The following PTPRD variants were observed in gnomAD, a reference collection of about 807,000 sequenced individuals.
PTPRD encodes protein tyrosine phosphatase receptor type D.
In PTPRD, 34 loss-of-function variants were observed where a neutral mutation model predicts 214.5. The ratio of observed to expected loss-of-function variants is 0.16; its 90% confidence interval spans 0.12 to 0.21. The LOEUF (loss-of-function observed/expected upper bound fraction) is 0.21. PTPRD is among the 10% of genes least tolerant of loss of function. The probability of loss-of-function intolerance (pLI) is 1.00; values close to 1 mark genes in which losing one functional copy is unlikely to be tolerated. For missense variants in PTPRD, 2,545 were observed against 2,398.7 expected (o/e 1.06, Z -1.27); for synonymous variants, 1,128 against 845.7 (o/e 1.33, Z -5.79).
chr9:8,713,917 C>T (rs2098400753), intron 12 of PTPRD: 6 of 735,374 alleles, frequency 8.2e-6, no homozygotes, highest in Middle Eastern at 3.8e-4. Context: ...AATCTTTATC[C>T]ACTGACGCAT....
In PTPRD at chr9:8,439,106, C is replaced by G. The variant is rs1485150499; in HGVS notation, c.3989-2417G>C. On this transcript the variant is annotated intron_variant, in intron 34 of 45. Transcript: ENST00000381196. ...TTATCATTGGATACCATATTGCACT[C>G]CATTTCTAAGACAAGTAAAAATGGC... is the stretch of plus-strand genomic sequence containing the variant. Among the ~76,000 whole-genome samples the G allele has an allele frequency of 2.6e-5, 4 of 152,124 alleles. 1 individual carries two copies. The South Asian group carries it at 8.3e-4, about 32-fold the overall frequency.
At chr9:8,536,968 A>C (rs1049586153) in intron 14 of PTPRD, among the ~76,000 whole-genome samples, 1 of 152,052 alleles carries the variant, frequency 6.6e-6, no homozygotes, top group Non-Finnish European at 1.5e-5. Flanking sequence ...ATCAGGCTAC[A>C]AACAAGGACC....
intron 9 of PTPRD, among the ~76,000 whole-genome samples, chr9:9,345,107 CT>C (rs1402276923): frequency 1.3e-5 from 2 of 152,062 alleles, no homozygotes; most frequent in Non-Finnish European, 2.9e-5. Context: ...AAGAAAGTCT[CT>C]TGAGATTTTC....
At chr9:9,827,978 G>A (rs965901583) in intron 5 of PTPRD, among the ~76,000 whole-genome samples, 18 of 152,206 alleles carry the variant, frequency 1.2e-4, no homozygotes, top group Admixed American at 1.1e-3. Context: ...CAGTTAGAAT[G>A]GCGATCGTTA....
chr9:10,169,473 C>CAA (rs59335943), intron 3 of PTPRD, among the ~76,000 whole-genome samples: 1,136 of 66,684 alleles, frequency 0.017, 72 homozygotes, highest in African/African-American at 0.063. Flanking sequence ...GACTCTGTCT[C>CAA]AAAAAAAAAA....
At chr9:10,321,718 C>A (rs1353572945) in intron 3 of PTPRD, among the ~76,000 whole-genome samples, 1 of 151,836 alleles carries the variant, frequency 6.6e-6, no homozygotes, top group Non-Finnish European at 1.5e-5. Context: ...TTATGTAGGT[C>A]ACATTTATGT....
intron 8 of PTPRD, among the ~76,000 whole-genome samples, chr9:9,544,158 C>A (rs2078221371): frequency 6.6e-6 from 1 of 151,552 alleles, no homozygotes; most frequent in African/African-American, 2.4e-5. Flanking sequence ...TAATACCAAA[C>A]TATTTTCTAT....
intron 9 of PTPRD, among the ~76,000 whole-genome samples, chr9:9,394,845 C>T (rs992309318): frequency 7.9e-5 from 12 of 152,014 alleles, no homozygotes; most frequent in African/African-American, 2.9e-4. Context: ...TATTAAAATC[C>T]AGATCCCTGC....
intron 14 of PTPRD, among the ~76,000 whole-genome samples, chr9:8,569,487 T>C (rs2090464029): frequency 6.6e-6 from 1 of 152,240 alleles, no homozygotes; most frequent in South Asian, 2.1e-4. Context: ...ACATCTTCCA[T>C]AAAAACTGGA....
At chr9:9,737,880 T>C (rs2098328010) in intron 6 of PTPRD, among the ~76,000 whole-genome samples, 1 of 152,218 alleles carries the variant, frequency 6.6e-6, no homozygotes, top group African/African-American at 2.4e-5. Context: ...CTGGTAATTC[T>C]ATGTGTTTGA....
At chr9:9,633,524 T>C (rs190543931) in intron 7 of PTPRD, among the ~76,000 whole-genome samples, 2,153 of 122,956 alleles carry the variant, frequency 0.018, 49 homozygotes, top group African/African-American at 0.064. Flanking sequence ...TAAAAGTGAT[T>C]ATAAGCAGAT....
intron 3 of PTPRD, among the ~76,000 whole-genome samples, chr9:10,273,343 A>G (rs1406296760): frequency 1.3e-5 from 2 of 152,188 alleles, no homozygotes; most frequent in African/African-American, 4.8e-5. Flanking sequence ...AAATGAAGGA[A>G]TATTGTGAAG....
intron 11 of PTPRD, among the ~76,000 whole-genome samples, chr9:8,898,887 A>T (rs2098642009): frequency 6.6e-6 from 1 of 152,194 alleles, no homozygotes; most frequent in African/African-American, 2.4e-5. Context: ...TTTATATATA[A>T]AAAGACTATT....
At chr9:9,204,416 G>C (rs1325924014) in intron 9 of PTPRD, among the ~76,000 whole-genome samples, 1 of 152,084 alleles carries the variant, frequency 6.6e-6, no homozygotes, top group East Asian at 1.9e-4. Flanking sequence ...CTATTAAGGA[G>C]ACCAAGTCAG....
chr9:10,162,135 G>A (rs1029440379), intron 3 of PTPRD, among the ~76,000 whole-genome samples: 5 of 151,530 alleles, frequency 3.3e-5, no homozygotes, highest in Admixed American at 6.6e-5. Context: ...CTGTATGAAG[G>A]TTCCTCAATA....
At chr9:9,840,251 G>A (rs968306589) in intron 5 of PTPRD, among the ~76,000 whole-genome samples, 4 of 151,936 alleles carry the variant, frequency 2.6e-5, no homozygotes, top group Non-Finnish European at 5.9e-5. Flanking sequence ...CTGGCCTCAA[G>A]CGATCCTCCC....
intron 3 of PTPRD, among the ~76,000 whole-genome samples, chr9:10,295,137 A>C (rs558507595): frequency 6.6e-6 from 1 of 152,170 alleles, no homozygotes; most frequent in Non-Finnish European, 1.5e-5. Context: ...GATTGCCTTA[A>C]TGTCTATTTT....
In PTPRD at chr9:8,686,514, T is replaced by C. The variant is rs9299069; in HGVS notation, c.64+47266A>G. Among the ~76,000 whole-genome samples, 898 of 152,248 alleles carry C rather than the reference T, an allele frequency of 5.9e-3. 12 individuals carry two copies. Among genetic ancestry groups the C allele is most frequent in the African/African-American group, 0.021 (860 of 41,530 alleles). ...ATGAACACCTCCTACATTTCAGATA[T>C]AATAATATACATTGTCACAACAATT... On this transcript the variant is annotated intron_variant, in intron 12 of 45. Transcript: ENST00000381196.
intron 2 of PTPRD, among the ~76,000 whole-genome samples, chr9:10,486,850 T>C (rs917866612): frequency 1.3e-5 from 2 of 152,284 alleles, no homozygotes; most frequent in Non-Finnish European, 2.9e-5. Context: ...AAACTTGATG[T>C]TTCTTCATTG....
Sources: allele counts gnomAD v4.1 joint callset (sites outside exome capture counted in the v4.1 genomes callset), GRCh38; gene constraint gnomAD v4.1.1; transcripts MANE v1.5; gene names NCBI Gene and HGNC (gene_info 2026-07-23, HGNC 2026-07-21).